Variants in GLIS3 observed in about 807,000 individuals in gnomAD.
GLIS3 encodes the protein GLIS family zinc finger 3, also known as zinc finger protein GLIS3.
In GLIS3, 53 loss-of-function variants were observed where a neutral mutation model predicts 78.6. The observed-to-expected ratio is 0.67, with a 90% CI of 0.54 to 0.85. GLIS3 has a LOEUF of 0.85. Ranked by LOEUF, GLIS3 falls within the 40% of genes least tolerant of loss-of-function variation. The pLI, the probability that GLIS3 is intolerant of heterozygous loss-of-function variation, is 0.00. For synonymous variants in GLIS3, 684 were observed against 509.9 expected, an observed-to-expected ratio of 1.34 and a Z score of -4.60; for missense variants, 1,703 against 1,231.1, an observed-to-expected ratio of 1.38 and a Z score of -5.74.
At chr9:3,931,691 T>C (rs760224354) in intron 6 of GLIS3, among the ~76,000 whole-genome samples, 2 of 152,192 alleles carry the variant, frequency 1.3e-5, no homozygotes, top group African/African-American at 2.4e-5. Flanking sequence ...CTTATGGAGT[T>C]AGGAGAGCAA....
chr9:4,434,194 T>C, the GLIS3 span, among the ~76,000 whole-genome samples: 1 of 152,178 alleles, frequency 6.6e-6, no homozygotes. Flanking sequence ...ACATTTAATG[T>C]ATATAGTTAT....
chr9:4,007,915 C>G (rs999498645), intron 4 of GLIS3, among the ~76,000 whole-genome samples: 1 of 150,584 alleles, frequency 6.6e-6, no homozygotes, highest in Non-Finnish European at 1.5e-5. Flanking sequence ...GGGGGTTACT[C>G]CAGTCTCTTA....
intron 2 of GLIS3, among the ~76,000 whole-genome samples, chr9:4,346,218 C>G (rs1325641983): frequency 6.6e-6 from 1 of 152,136 alleles, no homozygotes; most frequent in African/African-American, 2.4e-5. Context: ...TAATAGGAAT[C>G]CAATAAGATT....
chr9:4,161,592 G>C (rs1031727568), intron 2 of GLIS3, among the ~76,000 whole-genome samples: 1 of 151,838 alleles, frequency 6.6e-6, no homozygotes. Context: ...TAGTTTTCTA[G>C]GGCTGCCGTA....
At chr9:4,241,225 T>C (rs534169678) in intron 2 of GLIS3, among the ~76,000 whole-genome samples, 9 of 152,192 alleles carry the variant, frequency 5.9e-5, no homozygotes, top group South Asian at 2.1e-4. Context: ...CAAAGGAAAA[T>C]GCCCTCCAAG....
chr9:4,485,177 G>C, the GLIS3 span, among the ~76,000 whole-genome samples: 2 of 151,874 alleles, frequency 1.3e-5, no homozygotes, highest in Non-Finnish European at 2.9e-5. Context: ...ACCATGCCCA[G>C]CTAATTTTTG....
chr9:4,324,242 T>A (rs941886288), intron 2 of GLIS3, among the ~76,000 whole-genome samples: 1 of 152,214 alleles, frequency 6.6e-6, no homozygotes, highest in Non-Finnish European at 1.5e-5. Flanking sequence ...AACTTGGTGT[T>A]TTTATTTTAA....
intron 2 of GLIS3, among the ~76,000 whole-genome samples, chr9:4,318,106 A>T (rs975984401): frequency 6.6e-6 from 1 of 152,190 alleles, no homozygotes; most frequent in African/African-American, 2.4e-5. Context: ...GCATGCTTTA[A>T]AATGCATGCT....
the GLIS3 span, among the ~76,000 whole-genome samples, chr9:4,385,702 CAAAG>C: frequency 1.3e-5 from 1 of 79,826 alleles, no homozygotes; most frequent in Non-Finnish European, 2.3e-5. Flanking sequence ...AAGAAAGAAA[CAAAG>C]AAAGGAGAGA....
chr9:4,128,403 C>G (rs1832730975), intron 2 of GLIS3, among the ~76,000 whole-genome samples: 1 of 152,202 alleles, frequency 6.6e-6, no homozygotes. Context: ...AAAGACAAAG[C>G]TCTTGTTTGA....
chr9:4,238,732 G>A (rs1379648752), intron 2 of GLIS3, among the ~76,000 whole-genome samples: 2 of 152,116 alleles, frequency 1.3e-5, no homozygotes, highest in African/African-American at 2.4e-5. Context: ...TATACTGTGT[G>A]CCCACTTGAC....
intron 2 of GLIS3, among the ~76,000 whole-genome samples, chr9:4,139,186 A>T (rs1833622256): frequency 6.6e-6 from 1 of 152,194 alleles, no homozygotes; most frequent in African/African-American, 2.4e-5. Flanking sequence ...TATATCTCTC[A>T]ACCTGCTTTT....
chr9:4,132,050 T>A (rs1298564428), intron 2 of GLIS3, among the ~76,000 whole-genome samples: 445 of 134,444 alleles, frequency 3.3e-3, no homozygotes, highest in South Asian at 0.017. Context: ...ATGTTTTTTT[T>A]AAAAAAAAAA....
At chr9:4,188,526 G>A (rs1178599083) in intron 2 of GLIS3, among the ~76,000 whole-genome samples, 3 of 151,384 alleles carry the variant, frequency 2.0e-5, no homozygotes, top group African/African-American at 7.3e-5. Context: ...GAGTCAGGGA[G>A]GATTCCCTCT....
intron 2 of GLIS3, among the ~76,000 whole-genome samples, chr9:4,139,743 G>A (rs977353112): frequency 2.6e-5 from 4 of 152,106 alleles, no homozygotes; most frequent in Non-Finnish European, 4.4e-5. Context: ...TTAGATTCTC[G>A]TAAGGAGCAC....
intron 2 of GLIS3, among the ~76,000 whole-genome samples, chr9:4,202,402 C>G (rs1257500634): frequency 6.7e-6 from 1 of 150,334 alleles, no homozygotes; most frequent in Non-Finnish European, 1.5e-5. Context: ...CCACCCACCT[C>G]AGCCTCCCAA....
At chr9:4,147,406 A>G (rs556225973) in intron 2 of GLIS3, 4 of 152,186 alleles carry the variant, frequency 2.6e-5, no homozygotes. Flanking sequence ...GTTAGAAGTA[A>G]GAAGTCCTTG....
At chr9:4,200,522 T>C (rs911185179) in intron 2 of GLIS3, among the ~76,000 whole-genome samples, 3 of 152,152 alleles carry the variant, frequency 2.0e-5, no homozygotes, top group African/African-American at 7.2e-5. Flanking sequence ...GAGACTATTA[T>C]GAACACCTCT....
the GLIS3 span, among the ~76,000 whole-genome samples, chr9:4,438,687 C>A: frequency 6.6e-6 from 1 of 152,154 alleles, no homozygotes; most frequent in Admixed American, 6.5e-5. Context: ...AGCAGGTTCC[C>A]CATGCTGTTC....
Sources: gnomAD v4.1 joint callset for allele counts (sites outside exome capture counted in the v4.1 genomes callset) on GRCh38, gnomAD v4.1.1 for gene constraint, MANE v1.5 for transcripts, NCBI Gene and HGNC (gene_info 2026-07-23, HGNC 2026-07-21) for gene names.